Variants in GAB2 observed in about 807,000 individuals in gnomAD.
GAB2 encodes GRB2-associated-binding protein 2.
Under a neutral mutation model 65.5 loss-of-function variants are expected in GAB2, and 26 were observed. The observed-to-expected ratio is 0.40, with a 90% CI of 0.29 to 0.55. The LOEUF is 0.55. Ranked by LOEUF, GAB2 falls within the 20% of genes least tolerant of loss-of-function variation. The pLI is 0.53. For missense variants in GAB2, 884 were observed against 875.8 expected (o/e 1.01, Z -0.12); for synonymous variants, 321 against 329.6 (o/e 0.97, Z 0.28).
chr11:78,317,024 T>C (rs541290915), intron 1 of GAB2, among the ~76,000 whole-genome samples: 1 of 152,274 alleles, frequency 6.6e-6, no homozygotes, highest in South Asian at 2.1e-4. Context: ...CTAAGTGAAA[T>C]AAGCAGTTAG....
At chr11:78,220,180 A>T in intron 9 of GAB2, 139 bp downstream of exon 9, 2 of 807,378 alleles carry the variant, frequency 2.5e-6, no homozygotes, top group Non-Finnish European at 2.0e-6. Flanking sequence ...ATGACTAAAG[A>T]TGCATCATAA....
At chr11:78,332,951 T>C (rs897447708) in intron 1 of GAB2, among the ~76,000 whole-genome samples, 3 of 152,272 alleles carry the variant, frequency 2.0e-5, no homozygotes, top group South Asian at 4.1e-4. Context: ...TTTTGCCAAA[T>C]ATTTATTGAG....
chr11:78,408,769 T>G (rs1323943692), intron 1 of GAB2, among the ~76,000 whole-genome samples: 1 of 152,028 alleles, frequency 6.6e-6, no homozygotes, highest in Non-Finnish European at 1.5e-5. Context: ...TGAGATCTGG[T>G]TATTTAGAAG....
At chr11:78,278,130 C>A (rs1402163020) in intron 2 of GAB2, among the ~76,000 whole-genome samples, 1 of 148,792 alleles carries the variant, frequency 6.7e-6, no homozygotes, top group Non-Finnish European at 1.5e-5. Flanking sequence ...AGTGCAATGG[C>A]ATGGTCTTGG....
intron 1 of GAB2, among the ~76,000 whole-genome samples, chr11:78,309,936 G>A (rs1374238411): frequency 3.5e-5 from 2 of 57,042 alleles, no homozygotes; most frequent in Admixed American, 1.8e-4. Context: ...ATGTGTGTGT[G>A]TGTGTGTGTG....
In GAB2 at chr11:78,280,688, G is replaced by A. The variant is rs1866310716; in HGVS notation, c.289C>T (p.Leu97=). The change falls in exon 2 of 10, where the codon CTG becomes TTG. Residue 97 remains leucine (L), a synonymous_variant. Coordinates refer to ENST00000361507, the MANE Select transcript of GAB2 (RefSeq NM_080491.3). ...DIKTSERTFY[L]VAETEEDMNK... ...ATGTCCTCTTCTGTCTCAGCCACCA[G>A]GTAAAAGGTGCGTTCACTGGTCTTG... The A allele has an allele frequency of 1.2e-6, 2 of 1,614,088 alleles. No individual in the cohort carries two copies. The highest frequency in any genetic ancestry group is 1.7e-5 in the Admixed American group (1 of 60,026).
intron 1 of GAB2, among the ~76,000 whole-genome samples, chr11:78,289,569 T>TGA (rs1449755334): frequency 6.6e-6 from 1 of 152,076 alleles, no homozygotes; most frequent in Non-Finnish European, 1.5e-5. Context: ...ACTTACAATA[T>TGA]TTACAAAGTT....
chr11:78,258,050 C>A (rs1473762080), intron 2 of GAB2, among the ~76,000 whole-genome samples: 1 of 152,162 alleles, frequency 6.6e-6, no homozygotes, highest in Non-Finnish European at 1.5e-5. Context: ...CTACCGCCTA[C>A]TGGCTGAGTG....
intron 1 of GAB2, among the ~76,000 whole-genome samples, chr11:78,363,497 G>C (rs2134719583): frequency 6.6e-6 from 1 of 152,194 alleles, no homozygotes; most frequent in Middle Eastern, 3.4e-3. Flanking sequence ...ACCAGGTACT[G>C]TGTTAAGTAC....
At chr11:78,235,904 T>C (rs970072095) in intron 3 of GAB2, among the ~76,000 whole-genome samples, 1 of 152,234 alleles carries the variant, frequency 6.6e-6, no homozygotes, top group African/African-American at 2.4e-5. Flanking sequence ...ACATTTTTGG[T>C]ATCTTTTCAG....
chr11:78,397,725 A>G (rs1038085499), intron 1 of GAB2, among the ~76,000 whole-genome samples: 1 of 152,158 alleles, frequency 6.6e-6, no homozygotes, highest in Non-Finnish European at 1.5e-5. Flanking sequence ...CTGGCAGTAC[A>G]TTCTACATTC....
intron 1 of GAB2, among the ~76,000 whole-genome samples, chr11:78,404,550 A>G (rs564892831): frequency 1.9e-4 from 29 of 152,270 alleles, no homozygotes; most frequent in Non-Finnish European, 3.8e-4. Flanking sequence ...CTTGAAAACA[A>G]CAATAACAAT....
rs553838714 is a variant in GAB2 at position 78,363,068 on chromosome 11, C to T, written c.75+54578G>A. 2.6e-3 allele frequency among the ~76,000 whole-genome samples: 398 copies of T among 152,224 alleles called. 7 individuals carry two copies. Among genetic ancestry groups the T allele is most frequent in the Middle Eastern group, 0.02 (6 of 294 alleles). On this transcript the variant is annotated intron_variant, in intron 1 of 9. Transcript: ENST00000361507. ...AGTAACTAATATAAAAAAGATGAGG[C>T]TCCTTTTGCCAACTCAAGTTAACCT...
intron 1 of GAB2, among the ~76,000 whole-genome samples, chr11:78,350,108 T>C (rs995528873): frequency 6.6e-6 from 1 of 152,002 alleles, no homozygotes; most frequent in Non-Finnish European, 1.5e-5. Flanking sequence ...GGCAAATGGG[T>C]CATGCTGAAA....
At chr11:78,342,726 T>A (rs1856119902) in intron 1 of GAB2, among the ~76,000 whole-genome samples, 1 of 152,140 alleles carries the variant, frequency 6.6e-6, no homozygotes, top group Non-Finnish European at 1.5e-5. Context: ...TTGTTAGATA[T>A]CACAAAAAGA....
intron 1 of GAB2, among the ~76,000 whole-genome samples, chr11:78,391,204 A>G (rs1010129416): frequency 6.6e-6 from 1 of 152,194 alleles, no homozygotes; most frequent in African/African-American, 2.4e-5. Flanking sequence ...CTGAGTTGGG[A>G]GAATCGCTTG....
At chr11:78,354,752 C>G (rs1350113407) in intron 1 of GAB2, among the ~76,000 whole-genome samples, 1 of 152,146 alleles carries the variant, frequency 6.6e-6, no homozygotes, top group Non-Finnish European at 1.5e-5. Context: ...GTGCTGAAGC[C>G]ATTCGCCTTC....
At chr11:78,378,769 C>G (rs192298061) in intron 1 of GAB2, among the ~76,000 whole-genome samples, 34 of 152,154 alleles carry the variant, frequency 2.2e-4, no homozygotes, top group Non-Finnish European at 4.6e-4. Context: ...GGGATTATAA[C>G]CACGAGCCAC....
At chr11:78,379,879 C>T (rs868439988) in intron 1 of GAB2, among the ~76,000 whole-genome samples, 1 of 152,164 alleles carries the variant, frequency 6.6e-6, no homozygotes, top group Non-Finnish European at 1.5e-5. Context: ...TTGCAAAATA[C>T]GTGTCAGTAA....
Sources: allele counts gnomAD v4.1 joint callset (sites outside exome capture counted in the v4.1 genomes callset), GRCh38; gene constraint gnomAD v4.1.1; transcripts MANE v1.5; gene names NCBI Gene and HGNC (gene_info 2026-07-23, HGNC 2026-07-21).